Variants in UBR2 observed in about 807,000 individuals in gnomAD.
UBR2 encodes E3 ubiquitin-protein ligase UBR2.
Under a neutral mutation model 247.9 loss-of-function variants are expected in UBR2, and 92 were observed. The ratio of observed to expected loss-of-function variants is 0.37; its 90% CI spans 0.31 to 0.44. The LOEUF (loss-of-function observed/expected upper bound fraction) is 0.44, where lower values mean the gene tolerates loss of function less well. Among genes scored for constraint, UBR2 ranks in the 20% least tolerant of loss-of-function variants. The pLI, the probability that UBR2 is intolerant of heterozygous loss-of-function variation, is 1.00. For missense variants in UBR2, 1,613 were observed against 2,112.6 expected, an observed-to-expected ratio of 0.76 and a Z score of 4.64; for synonymous variants, 672 against 693.5, an observed-to-expected ratio of 0.97 and a Z score of 0.49.
intron 20 of UBR2, among the ~76,000 whole-genome samples, 184 bp downstream of exon 20, chr6:42,644,720 G>A (rs1796655241): frequency 1.3e-5 from 2 of 152,052 alleles, no homozygotes; most frequent in African/African-American, 4.8e-5. Flanking sequence ...ATAGCACCGT[G>A]GTGCTTTGGA....
chr6:42,673,908 A>G, intron 37 of UBR2, 21 bp downstream of exon 37: 2 of 1,574,446 alleles, frequency 1.3e-6, no homozygotes, highest in Non-Finnish European at 8.7e-7. Flanking sequence ...ATACATTTAT[A>G]ACATGTTGTA....
intron 4 of UBR2, 93 bp downstream of exon 4, chr6:42,594,397 G>T (rs1303890713): frequency 1.1e-6 from 1 of 936,786 alleles, no homozygotes; most frequent in African/African-American, 1.6e-5. Context: ...TAAGCAAATA[G>T]TACTTCCACT....
intron 4 of UBR2, among the ~76,000 whole-genome samples, chr6:42,598,903 A>G (rs1355188421): frequency 4.6e-5 from 7 of 152,110 alleles, no homozygotes; most frequent in African/African-American, 9.7e-5. Context: ...TGCTTTTTAC[A>G]TCTTTTTTAA....
intron 41 of UBR2, 125 bp downstream of exon 41, chr6:42,678,794 A>T: frequency 9.4e-7 from 1 of 1,062,072 alleles, no homozygotes; most frequent in Non-Finnish European, 1.3e-6. Flanking sequence ...GACTATGGTG[A>T]TGTACACATT....
At position 42,630,288 on chromosome 6, in the gene UBR2, G is replaced by A. The variant is rs142457933; in HGVS notation, c.1282-2264G>A. On this transcript the variant is annotated intron_variant, in intron 11 of 46. Coordinates refer to ENST00000372901, the MANE Select transcript of UBR2 (RefSeq NM_001363705.2). The stretch of plus-strand genomic sequence containing the variant: ...CAACCTCTGCCTCCTGAGTTCAAGC[G>A]GTTCTCCTGTCTCAGCCTCCCGAGT... Among the ~76,000 whole-genome samples the A allele has an allele frequency of 2.3e-3, 354 of 151,204 alleles. 1 individual carries two copies. The highest frequency in any genetic ancestry group is 8.1e-3 in the African/African-American group (332 of 41,104).
At chr6:42,593,208 C>A (rs1792776656) in intron 3 of UBR2, among the ~76,000 whole-genome samples, 1 of 151,980 alleles carries the variant, frequency 6.6e-6, no homozygotes, top group South Asian at 2.1e-4. Context: ...AACCCAGCTA[C>A]AAAATTGGGC....
intron 21 of UBR2, among the ~76,000 whole-genome samples, chr6:42,647,507 A>G (rs1290667836): frequency 6.6e-6 from 1 of 151,470 alleles, no homozygotes; most frequent in Non-Finnish European, 1.5e-5. Flanking sequence ...GAGGCAGGAG[A>G]ATTGCTTGGA....
chr6:42,587,225 A>G (rs1792344864), intron 2 of UBR2, among the ~76,000 whole-genome samples: 1 of 152,206 alleles, frequency 6.6e-6, no homozygotes, highest in Admixed American at 6.5e-5. Flanking sequence ...AAGCATTAAT[A>G]TTAACCCACA....
At chr6:42,577,584 A>G (rs115173036) in intron 2 of UBR2, among the ~76,000 whole-genome samples, 93 of 145,894 alleles carry the variant, frequency 6.4e-4, no homozygotes, top group African/African-American at 2.5e-3. Context: ...GTTGATTTTG[A>G]TAATTGTATA....
intron 13 of UBR2, among the ~76,000 whole-genome samples, chr6:42,633,622 C>A (rs555986679): frequency 3.1e-4 from 47 of 152,228 alleles, no homozygotes; most frequent in African/African-American, 1.1e-3. Context: ...AACTCCTGAC[C>A]TCAAGTGATC....
chr6:42,635,275 T>C lies in UBR2; in HGVS notation c.1546-143T>C, dbSNP rs1020583583. ...TAATTTTAAAAGCTATTATTTCTCA[T>C]AGTACTTGAAGTTTCCTGTTAAAAC... On this transcript the variant is annotated intron_variant, in intron 13 of 46. Transcript: ENST00000372901. The C allele has an allele frequency of 9.9e-6, 7 of 709,392 alleles. No homozygotes were observed. The African/African-American group carries it at 1.1e-4, about 11-fold the overall frequency. The allele number at this position is 709,392 out of a possible 1,614,324, so 43.9% of individuals were successfully genotyped here.
Position 42,676,138 on chromosome 6 carries a change from T to G in UBR2, c.4334T>G (p.Phe1445Cys), listed in dbSNP as rs1582712492. The G allele has an allele frequency of 6.2e-7, 1 of 1,613,790 alleles. No individual in the cohort carries two copies. Among genetic ancestry groups the G allele is most frequent in the Middle Eastern group, 1.6e-4 (1 of 6,062 alleles). Residue 1445 changes from phenylalanine (F) to cysteine (C), a missense_variant, in exon 39 of 47, where the codon TTC becomes TGC. Transcript: ENST00000372901. ...CTTGGCACTGGAGACCTTCACATTT[T>G]CCATCTGGTTACTATGGCACACATC... ...ISLGTGDLHI[F>C]HLVTMAHIIQ...
Position 42,691,786 on chromosome 6 carries a change from T to TC in UBR2, c.*613_*614insC, listed in dbSNP as rs918391185. On this transcript the variant is annotated 3_prime_UTR_variant, in exon 47 of 47. Coordinates refer to ENST00000372901, the MANE Select transcript of UBR2 (RefSeq NM_001363705.2). ...GGTTTTTCAGGGCTGTTAGAGGTTT[T>TC]TTTTTTTTCTTTTTTTTTTTATGGC... The TC allele has an allele frequency of 7.4e-6, 1 of 134,618 alleles. No individual in the cohort carries two copies. The highest frequency in any genetic ancestry group is 3.0e-5 in the African/African-American group (1 of 33,842). The allele number at this position is 134,618 out of a possible 1,614,324, so 8.3% of individuals were successfully genotyped here. A position where few individuals can be genotyped will look rare whatever the true frequency, so the allele number is the denominator to read the frequency against.
rs1395237129 is a variant in UBR2 at position 42,659,853 on chromosome 6, C to T, written c.3440C>T (p.Pro1147Leu). The change falls in exon 30 of 47, where the codon CCA becomes CTA. Residue 1147 changes from proline to leucine, a missense_variant and splice_region_variant. By Grantham distance (98) the Pro-to-Leu change is moderately conservative. Transcript: ENST00000372901. The surrounding 1 kb of genome is among the most constrained non-coding windows in gnomAD (Gnocchi z 4.3). ...SKNRSKFIQD[P>L]EKYDPLFMHP... ...AACAGAAGTAAATTTATTCAAGATCCAGGTAAGTCATAGCTAGATCCTCAT... is the reference window on the plus strand; with the variant it reads ...AACAGAAGTAAATTTATTCAAGATCTAGGTAAGTCATAGCTAGATCCTCAT... The T allele has an allele frequency of 1.9e-6, 3 of 1,613,558 alleles. No individual in the cohort carries two copies. The highest frequency in any genetic ancestry group is 1.7e-5 in the Admixed American group (1 of 60,018).
At chr6:42,624,129 GTTTGTTTTGT>G (rs936623516) in intron 11 of UBR2, among the ~76,000 whole-genome samples, 2 of 139,944 alleles carry the variant, frequency 1.4e-5, no homozygotes, top group African/African-American at 5.0e-5. Context: ...TTTTTTGTTT[GTTTGTTTTGT>G]TTTGTTTTGT....
chr6:42,632,662 T>G lies in UBR2; in HGVS notation c.1392T>G (p.Thr464=). The G allele has an allele frequency of 6.2e-7, 1 of 1,613,636 alleles. No individual in the cohort carries two copies. The change falls in exon 12 of 47, where the codon ACT becomes ACG. Residue 464 remains threonine, a synonymous_variant. Coordinates refer to ENST00000372901, the MANE Select transcript of UBR2 (RefSeq NM_001363705.2). ...GCAGATTTCAGTTTGAACGATACACTGCTTTACAAGCCTTCAAATTTAGGA... is the reference window on the plus strand; with the variant it reads ...GCAGATTTCAGTTTGAACGATACACGGCTTTACAAGCCTTCAAATTTAGGA... ...AQGRFQFERY[T]ALQAFKFRRV...
chr6:42,673,965 A>T (rs890165226), intron 37 of UBR2, 78 bp downstream of exon 37: 2 of 1,354,146 alleles, frequency 1.5e-6, no homozygotes, highest in African/African-American at 2.9e-5. Flanking sequence ...AGCTTCTCTC[A>T]GTAATGAATT....
At chr6:42,672,923 A>G (rs963447209) in intron 36 of UBR2, among the ~76,000 whole-genome samples, 2 of 152,132 alleles carry the variant, frequency 1.3e-5, no homozygotes, top group Non-Finnish European at 2.9e-5. Flanking sequence ...ATATTTATTG[A>G]ACCAAACATT....
In UBR2 at chr6:42,632,885, A is replaced by G; in HGVS notation, c.1526A>G (p.Glu509Gly). The G allele has an allele frequency of 6.3e-7, 1 of 1,589,442 alleles. No homozygotes were observed. Among genetic ancestry groups the G allele is most frequent in the Admixed American group, 1.9e-5 (1 of 53,610 alleles). The change falls in exon 13 of 47, where the codon GAA (glutamate) becomes GGA (glycine). Residue 509 changes from glutamate to glycine, a missense_variant. Glu to Gly is a moderately conservative substitution (Grantham distance 98). Around this residue, in one of 3 missense-constraint regions of UBR2, gnomAD observed 1,524 missense variants for 1,967.3 expected, o/e 0.77. Coordinates refer to ENST00000372901, the MANE Select transcript of UBR2 (RefSeq NM_001363705.2). ...KFLEGFDAFLELLKCMQGMDP... is the reference protein window; with the variant it reads ...KFLEGFDAFLGLLKCMQGMDP... ...CTAGAAGGGTTTGATGCCTTTTTGG[A>G]ATTACTAAAATGTATGCAGGTATGT...
Sources: allele counts gnomAD v4.1 joint callset (sites outside exome capture counted in the v4.1 genomes callset), GRCh38; gene constraint gnomAD v4.1.1; regional missense constraint gnomAD v4.1.1; non-coding constraint Gnocchi (gnomAD v3.1); transcripts MANE v1.5; gene names NCBI Gene and HGNC (gene_info 2026-07-23, HGNC 2026-07-21).